MBTPS1: variants seen among roughly 807,000 people sequenced by gnomAD.
MBTPS1 encodes membrane bound transcription factor peptidase, site 1.
A neutral mutation model predicts 127.8 loss-of-function variants in MBTPS1; 94 were observed. That is an observed-to-expected ratio of 0.74 (90% CI 0.62 to 0.87). The LOEUF (loss-of-function observed/expected upper bound fraction) is 0.87. MBTPS1 is among the 40% of genes least tolerant of loss of function. The pLI, the probability that MBTPS1 is intolerant of heterozygous loss-of-function variation, is 0.00. For synonymous variants in MBTPS1, 632 were observed against 509.4 expected, an observed-to-expected ratio of 1.24 and a Z score of -3.24; for missense variants, 1,636 against 1,353.2, an observed-to-expected ratio of 1.21 and a Z score of -3.28.
chr16:84,105,490 T>C (rs1343323363), intron 1 of MBTPS1, among the ~76,000 whole-genome samples: 1 of 152,126 alleles, frequency 6.6e-6, no homozygotes, highest in South Asian at 2.1e-4. Flanking sequence ...GAGGGGGCAC[T>C]GCAGCAGCTC....
chr16:84,077,987 T>C (rs1039272185), intron 11 of MBTPS1, among the ~76,000 whole-genome samples: 4 of 151,008 alleles, frequency 2.6e-5, no homozygotes, highest in Admixed American at 6.6e-5. Context: ...CACTCATAAA[T>C]AGAGAAACAC....
chr16:84,063,156 T>A, intron 19 of MBTPS1, 149 bp downstream of exon 19: 1 of 773,050 alleles, frequency 1.3e-6, no homozygotes, highest in East Asian at 2.5e-5. Context: ...TTCCAAGCAA[T>A]CAAAGTGACT....
intron 1 of MBTPS1, among the ~76,000 whole-genome samples, chr16:84,113,916 C>A (rs543020423): frequency 1.9e-4 from 29 of 150,208 alleles, no homozygotes; most frequent in African/African-American, 5.6e-4. Context: ...ACAATTAAGT[C>A]ATGCCAGACC....
intron 1 of MBTPS1, among the ~76,000 whole-genome samples, chr16:84,112,792 T>C (rs1374546482): frequency 3.3e-5 from 5 of 151,196 alleles, no homozygotes; most frequent in Admixed American, 6.6e-5. Context: ...CTGGCCAACA[T>C]GGTGAAACCC....
At chr16:84,073,494 A>C (rs945316805) in intron 12 of MBTPS1, among the ~76,000 whole-genome samples, 1 of 152,124 alleles carries the variant, frequency 6.6e-6, no homozygotes, top group African/African-American at 2.4e-5. Flanking sequence ...ATTTTTGCCA[A>C]GTGCACAATG....
chr16:84,115,899 A>G (rs2086468385), intron 1 of MBTPS1, among the ~76,000 whole-genome samples: 1 of 151,946 alleles, frequency 6.6e-6, no homozygotes, highest in South Asian at 2.1e-4. Flanking sequence ...TGAAGCTCTT[A>G]CATTAAAAAA....
chr16:84,113,284 T>G (rs1346175441), intron 1 of MBTPS1, among the ~76,000 whole-genome samples: 1 of 152,224 alleles, frequency 6.6e-6, no homozygotes. Flanking sequence ...TGGATTTAAT[T>G]TCTATAAATT....
At chr16:84,069,397 A>G (rs889518011) in intron 14 of MBTPS1, among the ~76,000 whole-genome samples, 1 of 151,170 alleles carries the variant, frequency 6.6e-6, no homozygotes, top group Admixed American at 6.6e-5. Context: ...GTCACTGGAG[A>G]GCTTGAGGCA....
At chr16:84,069,545 G>A (rs1479060438) in intron 14 of MBTPS1, among the ~76,000 whole-genome samples, 2 of 152,224 alleles carry the variant, frequency 1.3e-5, no homozygotes, top group African/African-American at 2.4e-5. Flanking sequence ...ATGGACTAGG[G>A]TGGGAGCAGG....
chr16:84,092,547 G>A (rs1234019370), intron 6 of MBTPS1, among the ~76,000 whole-genome samples: 1 of 152,126 alleles, frequency 6.6e-6, no homozygotes, highest in African/African-American at 2.4e-5. Context: ...AGGACACACG[G>A]GCCAGTGAGG....
rs928325293 is a variant in MBTPS1 at position 84,056,288 on chromosome 16, G to A, written c.2832-153C>T. On this transcript the variant is annotated intron_variant, in intron 21 of 22. Transcript: ENST00000343411. Reference sequence around the variant, plus strand: ...CGTCCACGGCCACCTAAATGCCACTGACAGCAACTATGGTGGCCGTTTCCA... The same window carrying A: ...CGTCCACGGCCACCTAAATGCCACTAACAGCAACTATGGTGGCCGTTTCCA... 2.7e-5 allele frequency: 16 copies of A among 598,354 alleles called. No individual in the cohort carries two copies. The Admixed American group carries it at 4.7e-4, about 18-fold the overall frequency. 37.1% of individuals were successfully genotyped at this position (598,354 alleles called of 1,614,324 possible).
chr16:84,089,620 G>A (rs1207888797), intron 8 of MBTPS1, among the ~76,000 whole-genome samples: 1 of 152,196 alleles, frequency 6.6e-6, no homozygotes, highest in Non-Finnish European at 1.5e-5. Context: ...AGTCTCATAG[G>A]TACTCTGCAG....
At chr16:84,074,457 G>T in intron 12 of MBTPS1, 140 bp downstream of exon 12, 1 of 744,434 alleles carries the variant, frequency 1.3e-6, no homozygotes, top group African/African-American at 1.8e-5. Context: ...TGGTCTTAAA[G>T]TCCTGGGCTC....
chr16:84,099,278 C>G lies in MBTPS1; in HGVS notation c.196G>C (p.Ala66Pro). The change falls in exon 3 of 23, where the codon GCC (alanine) becomes CCC (proline). Residue 66 changes from alanine to proline, a missense_variant. Transcript: ENST00000343411. ...YIVAFNGYFT[A>P]KARNSFISSA... ...GAAATAAATGAATTTCTAGCTTTGG[C>G]TGTAAAGTATCCATTGAAAGCCACA... 1 of 1,614,102 alleles carries G rather than the reference C, an allele frequency of 6.2e-7. No individual in the cohort carries two copies. The highest frequency in any genetic ancestry group is 1.1e-5 in the South Asian group (1 of 91,066).
chr16:84,054,185 G>C lies in MBTPS1; in HGVS notation c.*264C>G. ...CAGACAGCCTTTCCAGTTCTCCCGA[G>C]TCTTTGGTGCGCACAGCTGCCGGCG... On this transcript the variant is annotated 3_prime_UTR_variant, in exon 23 of 23. Coordinates refer to ENST00000343411, the MANE Select transcript of MBTPS1 (RefSeq NM_003791.4). The C allele has an allele frequency of 3.1e-6, 1 of 318,582 alleles. No homozygotes were observed. The highest frequency in any genetic ancestry group is 5.8e-6 in the Non-Finnish European group (1 of 173,234). 19.7% of individuals were successfully genotyped at this position (318,582 alleles called of 1,614,324 possible). A position where few individuals can be genotyped will look rare whatever the true frequency, so the allele number is the denominator to read the frequency against.
At chr16:84,101,543 A>T in intron 2 of MBTPS1, 78 bp downstream of exon 2, 2 of 1,250,662 alleles carry the variant, frequency 1.6e-6, no homozygotes, top group East Asian at 2.4e-5. Context: ...CATGTTATTC[A>T]GCAATAGCTA....
At chr16:84,069,821 A>C (rs768566195) in intron 14 of MBTPS1, 45 bp downstream of exon 14, 4 of 1,548,058 alleles carry the variant, frequency 2.6e-6, no homozygotes, top group Non-Finnish European at 2.6e-6. Context: ...GCCTCCTCCC[A>C]CCACGGAGGC....
intron 12 of MBTPS1, 129 bp downstream of exon 12, chr16:84,074,468 A>G (rs1567481945): frequency 2.3e-6 from 2 of 852,420 alleles, no homozygotes; most frequent in Non-Finnish European, 3.6e-6. Flanking sequence ...TCCTGGGCTC[A>G]AGTGATCCTC....
chr16:84,081,865 G>A lies in MBTPS1; in HGVS notation c.1330C>T (p.Gln444Ter). The change falls in exon 11 of 23, where the codon CAG (glutamine) becomes TAG (stop). Residue 444 changes from glutamine to a stop codon, truncating the protein, a stop_gained. Coordinates refer to ENST00000343411, the MANE Select transcript of MBTPS1 (RefSeq NM_003791.4). LOFTEE classifies it high-confidence loss of function. ...CTCCGGGCTGACGCGATCAGGGCCT[G>A]CTTCATACTGGCGGGATTCACCAGC... ...RELVNPASMK[Q>*]ALIASARRLP... 1 of 1,503,464 alleles carries A rather than the reference G, an allele frequency of 6.7e-7. No homozygotes were observed. The highest frequency in any genetic ancestry group is 8.9e-7 in the Non-Finnish European group (1 of 1,125,236). The allele number at this position is 1,503,464 out of a possible 1,614,324, so 93.1% of individuals were successfully genotyped here.
Sources: gnomAD v4.1 joint callset for allele counts (sites outside exome capture counted in the v4.1 genomes callset) on GRCh38, gnomAD v4.1.1 for gene constraint, MANE v1.5 for transcripts, NCBI Gene and HGNC (gene_info 2026-07-23, HGNC 2026-07-21) for gene names.